IPO5: variants seen among roughly 807,000 people sequenced by gnomAD.
IPO5 encodes the protein importin 5.
In IPO5, 18 loss-of-function variants were observed where a neutral mutation model predicts 143.3. The ratio of observed to expected loss-of-function variants is 0.13; its 90% CI spans 0.09 to 0.19. The LOEUF (loss-of-function observed/expected upper bound fraction) is 0.19. Among genes scored for constraint, IPO5 ranks in the 10% least tolerant of loss-of-function variants. The pLI is 1.00. For synonymous variants in IPO5, 477 were observed against 465.7 expected (o/e 1.02, Z -0.31); for missense variants, 1,013 against 1,336.9 (o/e 0.76, Z 3.78).
chr13:97,992,867 C>T lies in IPO5; in HGVS notation c.670-25C>T, dbSNP rs777118299. On this transcript the variant is annotated intron_variant, in intron 9 of 28. Transcript: ENST00000651721. ...GCATTATAAAGTGAATCTTCAGCAC[C>T]GACTTTCTGTTTCATCTTTTCTAGG... The T allele has an allele frequency of 8.2e-6, 13 of 1,590,426 alleles. No individual in the cohort carries two copies. The East Asian group carries it at 9.0e-5, about 11-fold the overall frequency.
intron 9 of IPO5, among the ~76,000 whole-genome samples, chr13:97,991,208 A>T (rs1316011624): frequency 6.6e-6 from 1 of 152,198 alleles, no homozygotes; most frequent in Non-Finnish European, 1.5e-5. Flanking sequence ...ATATATATGC[A>T]TAATTTTTTA....
At chr13:97,984,378 T>A (rs1296100857) in intron 5 of IPO5, among the ~76,000 whole-genome samples, 2 of 152,362 alleles carry the variant, frequency 1.3e-5, no homozygotes, top group African/African-American at 2.4e-5. Context: ...TGAATTTTTT[T>A]AATAACTTGT....
chr13:97,961,172 G>T (rs1566438209), intron 2 of IPO5, among the ~76,000 whole-genome samples: 1 of 152,114 alleles, frequency 6.6e-6, no homozygotes, highest in Non-Finnish European at 1.5e-5. Context: ...TTCTTTTATT[G>T]CGAAGTAATA....
chr13:97,977,850 T>C (rs1886513035), intron 4 of IPO5, among the ~76,000 whole-genome samples: 1 of 152,208 alleles, frequency 6.6e-6, no homozygotes, highest in Non-Finnish European at 1.5e-5. Context: ...TTCATAAGAT[T>C]AAGTGAAGGA....
chr13:97,985,357 TACA>T (rs1476693718), intron 5 of IPO5, 61 bp from the exon 6 acceptor site: 1 of 1,313,296 alleles, frequency 7.6e-7, no homozygotes, highest in Non-Finnish European at 1.1e-6. Flanking sequence ...AATATAAAAA[TACA>T]ACAGTGAAAT....
At chr13:97,999,646 G>A (rs906159390) in intron 12 of IPO5, among the ~76,000 whole-genome samples, 2 of 152,080 alleles carry the variant, frequency 1.3e-5, no homozygotes, top group Non-Finnish European at 2.9e-5. Flanking sequence ...ATACACTACT[G>A]ATCCTCCAGT....
Position 97,989,155 on chromosome 13 carries a change from A to G in IPO5, c.458A>G (p.His153Arg), listed in dbSNP as rs765290143. The stretch of plus-strand genomic sequence containing the variant: ...GTGGGACTGCGGGAAGCTGCCCTTC[A>G]CATTTTCTGGTATATACATTAATCT... ...QNVGLREAAL[H>R]IFWNFPGIFG... is the part of the protein sequence containing the mutation. Residue 153 changes from histidine to arginine, a missense_variant, in exon 7 of 29, where the codon CAC (histidine) becomes CGC (arginine). Physicochemically the swap from His to Arg is conservative, Grantham distance 29 (BLOSUM62 0). Around this residue, in one of 2 missense-constraint regions of IPO5, gnomAD observed 328 missense variants for 342.0 expected, o/e 0.96. Coordinates refer to ENST00000651721, the MANE Select transcript of IPO5 (RefSeq NM_002271.6). 1 of 1,599,470 alleles carries G rather than the reference A, an allele frequency of 6.3e-7. No individual in the cohort carries two copies. Among genetic ancestry groups the G allele is most frequent in the Non-Finnish European group, 8.6e-7 (1 of 1,166,978 alleles).
intron 4 of IPO5, among the ~76,000 whole-genome samples, chr13:97,980,272 G>A (rs1185652870): frequency 6.6e-6 from 1 of 152,178 alleles, no homozygotes; most frequent in East Asian, 1.9e-4. Context: ...TGGTATTGAT[G>A]TAATACTATA....
rs989361612 is a variant in IPO5, at chr13:98,017,808, G to GT, written c.2617-670dup. 5.3e-5 allele frequency among the ~76,000 whole-genome samples: 8 copies of GT among 151,532 alleles called. No individual in the cohort carries two copies. The South Asian group carries it at 6.3e-4, about 12-fold the overall frequency. ...TGTATTCAGTTTTTTTGTTTGTTTTGTTTTTTTGTATTTTTAGTTGTGTTT... is the reference window on the plus strand; with the variant it reads ...TGTATTCAGTTTTTTTGTTTGTTTTGTTTTTTTTGTATTTTTAGTTGTGTTT... On this transcript the variant is annotated intron_variant, in intron 25 of 28. Coordinates refer to ENST00000651721, the MANE Select transcript of IPO5 (RefSeq NM_002271.6).
rs369242541 is a variant in IPO5, at chr13:98,000,666, G to A, written c.1108+21G>A. On this transcript the variant is annotated intron_variant, in intron 13 of 28. Transcript: ENST00000651721. ...AAATCGTAAGCTGTGTCCTTCAAAT[G>A]CTAGAAGAGTGAAGTTGTGCCCTTT... 7.3e-6 allele frequency: 11 copies of A among 1,501,050 alleles called. No homozygotes were observed. The South Asian group carries it at 7.9e-5, about 11-fold the overall frequency. The allele number at this position is 1,501,050 out of a possible 1,614,324, so 93.0% of individuals were successfully genotyped here.
At position 98,021,839 on chromosome 13, in the gene IPO5, C is replaced by A; in HGVS notation, c.*17C>A. 6.4e-7 allele frequency: 1 copy of A among 1,568,940 alleles called. No individual in the cohort carries two copies. Among genetic ancestry groups the A allele is most frequent in the Non-Finnish European group, 8.7e-7 (1 of 1,145,262 alleles). ...TCTGCGTGAAGGGCCTTAATGTCAC[C>A]CACCAGAAAACTAACTCCAAATAAA... is the stretch of plus-strand genomic sequence containing the variant. On this transcript the variant is annotated 3_prime_UTR_variant, in exon 29 of 29. Coordinates refer to ENST00000651721, the MANE Select transcript of IPO5 (RefSeq NM_002271.6).
intron 1 of IPO5, 137 bp downstream of exon 1, chr13:97,953,853 C>G: frequency 2.2e-6 from 1 of 451,534 alleles, no homozygotes; most frequent in Non-Finnish European, 4.5e-6. Flanking sequence ...CGTCTCCTGA[C>G]GTCACCACAG....
chr13:98,014,629 A>T (rs756988213), intron 22 of IPO5, among the ~76,000 whole-genome samples: 2 of 152,184 alleles, frequency 1.3e-5, no homozygotes, highest in African/African-American at 4.8e-5. Context: ...TGGTATTATT[A>T]TGTTTGTTTT....
chr13:97,966,505 T>A (rs1885350744), intron 2 of IPO5, among the ~76,000 whole-genome samples: 1 of 152,186 alleles, frequency 6.6e-6, no homozygotes, highest in Non-Finnish European at 1.5e-5. Flanking sequence ...CCTCTCTATA[T>A]GTTGTTTAAT....
chr13:98,013,656 C>T (rs984066372), intron 21 of IPO5, among the ~76,000 whole-genome samples: 6 of 152,044 alleles, frequency 3.9e-5, no homozygotes, highest in Non-Finnish European at 8.8e-5. Context: ...AAAAGGCCAG[C>T]ATAGGAAGAG....
rs765524493 is a variant in IPO5, at chr13:97,993,074, T to C, written c.793-31T>C. 1.6e-5 allele frequency: 25 copies of C among 1,612,730 alleles called. No homozygotes were observed. The South Asian group carries it at 2.1e-4, about 13-fold the overall frequency. ...TATTTTCAGGGACTAATCTAAATTA[T>C]TAAATGTATACAAATATGTCTTCTT... On this transcript the variant is annotated intron_variant, in intron 10 of 28. Transcript: ENST00000651721.
intron 3 of IPO5, chr13:97,976,002 G>T: frequency 1.0e-6 from 1 of 977,874 alleles, no homozygotes; most frequent in Non-Finnish European, 1.2e-6. Context: ...TAGAAGGTAC[G>T]TAGGAAGTGG....
chr13:98,005,127 C>T (rs1379831394), intron 16 of IPO5, among the ~76,000 whole-genome samples: 2 of 150,990 alleles, frequency 1.3e-5, no homozygotes, highest in Non-Finnish European at 2.9e-5. Context: ...GAACACCTGA[C>T]CTCAAGTCAT....
chr13:98,012,205 C>A, intron 20 of IPO5, 41 bp from the exon 21 acceptor site: 1 of 1,180,948 alleles, frequency 8.5e-7, no homozygotes, highest in Non-Finnish European at 1.3e-6. Context: ...TGCTTGAAGA[C>A]TAACATGAAT....
Sources: allele counts gnomAD v4.1 joint callset (sites outside exome capture counted in the v4.1 genomes callset), GRCh38; gene constraint gnomAD v4.1.1; regional missense constraint gnomAD v4.1.1; transcripts MANE v1.5; gene names NCBI Gene and HGNC (gene_info 2026-07-23, HGNC 2026-07-21).